Variants in TRABD2B observed in about 807,000 individuals in gnomAD.
TRABD2B encodes the protein TraB domain containing 2B, also known as metalloprotease TIKI2.
Under a neutral mutation model 40.1 loss-of-function variants are expected in TRABD2B, and 14 were observed. That is an observed-to-expected ratio of 0.35 (90% CI 0.23 to 0.55). The LOEUF is 0.55. TRABD2B is among the 20% of genes least tolerant of loss of function. The pLI, the probability that TRABD2B is intolerant of heterozygous loss-of-function variation, is 0.90. For synonymous variants in TRABD2B, 263 were observed against 277.0 expected (o/e 0.95, Z 0.50); for missense variants, 541 against 648.6 (o/e 0.83, Z 1.80).
intron 2 of TRABD2B, among the ~76,000 whole-genome samples, chr1:47,983,759 A>AGG (rs1553172404): frequency 1.7e-5 from 1 of 59,922 alleles, no homozygotes; most frequent in African/African-American, 7.8e-5. Context: ...AAAAAAAGAA[A>AGG]AAAAAAAAAA....
intron 2 of TRABD2B, among the ~76,000 whole-genome samples, chr1:47,823,081 G>T (rs151245930): frequency 3.9e-5 from 6 of 152,258 alleles, no homozygotes; most frequent in Non-Finnish European, 7.3e-5. Flanking sequence ...GAGAGATGGG[G>T]CCGGCCTGGC....
rs1054719592 is a variant in TRABD2B at position 47,764,513 on chromosome 1, C to T, written c.*1389G>A. 1 of 152,366 alleles carries T rather than the reference C, an allele frequency of 6.6e-6. No individual in the cohort carries two copies. Among genetic ancestry groups the T allele is most frequent in the Non-Finnish European group, 1.5e-5 (1 of 68,142 alleles). The allele number at this position is 152,366 out of a possible 1,614,324, so 9.4% of individuals were successfully genotyped here. ...CTCCCCACTTGGCTGCTGTGCCTCC[C>T]CAGGTGCCCCACAGCTGTGCCCACC... On this transcript the variant is annotated 3_prime_UTR_variant, in exon 7 of 7. Transcript: ENST00000606738.
intron 2 of TRABD2B, among the ~76,000 whole-genome samples, chr1:47,864,463 T>C (rs1427129261): frequency 6.6e-6 from 1 of 151,098 alleles, no homozygotes; most frequent in Non-Finnish European, 1.5e-5. Context: ...CTAAAACTGC[T>C]CTAAAAAAAA....
intron 2 of TRABD2B, among the ~76,000 whole-genome samples, chr1:47,968,083 T>C (rs1177918524): frequency 1.3e-5 from 2 of 152,334 alleles, no homozygotes; most frequent in South Asian, 2.1e-4. Context: ...AGCTGACTGA[T>C]TGCCATGGTA....
At chr1:47,807,530 G>C (rs972206872) in intron 2 of TRABD2B, among the ~76,000 whole-genome samples, 23 of 152,156 alleles carry the variant, frequency 1.5e-4, no homozygotes, top group Non-Finnish European at 1.8e-4. Flanking sequence ...AGTAGAAGAA[G>C]GTAGTCAGCA....
At chr1:47,947,696 T>G (rs1255364122) in intron 2 of TRABD2B, among the ~76,000 whole-genome samples, 1 of 149,654 alleles carries the variant, frequency 6.7e-6, no homozygotes, top group Non-Finnish European at 1.5e-5. Flanking sequence ...AAGGAGGTCA[T>G]GCAGCTAGAT....
At chr1:47,926,622 C>A (rs1433425934) in intron 2 of TRABD2B, among the ~76,000 whole-genome samples, 2 of 152,078 alleles carry the variant, frequency 1.3e-5, no homozygotes, top group African/African-American at 4.8e-5. Flanking sequence ...TGGCGGCAGG[C>A]CCTCTTCCTG....
At chr1:47,839,085 G>C (rs1260570011) in intron 2 of TRABD2B, among the ~76,000 whole-genome samples, 1 of 152,214 alleles carries the variant, frequency 6.6e-6, no homozygotes, top group African/African-American at 2.4e-5. Flanking sequence ...TTGTGGGATA[G>C]ATTGGAACGC....
chr1:47,811,719 T>C (rs1181031320), intron 2 of TRABD2B, among the ~76,000 whole-genome samples: 1 of 152,152 alleles, frequency 6.6e-6, no homozygotes, highest in Non-Finnish European at 1.5e-5. Flanking sequence ...CGATTTTAGC[T>C]TTCAGTACAG....
At position 47,813,520 on chromosome 1, in the gene TRABD2B, A is replaced by G. The variant is rs554116183; in HGVS notation, c.667-11901T>C. Among the ~76,000 whole-genome samples, 1 of 152,356 alleles carries G rather than the reference A, an allele frequency of 6.6e-6. No individual in the cohort carries two copies. The highest frequency in any genetic ancestry group is 6.5e-5 in the Admixed American group (1 of 15,302). On this transcript the variant is annotated intron_variant, in intron 2 of 6. Transcript: ENST00000606738. This position sits in a 1 kb window ranked among gnomAD's most constrained non-coding sequence, Gnocchi z 4.3. ...CCCAGTTTTAAACCTAGGACCTGCT[A>G]CATGCAGGCTGTGTGAAGTTCTTAT...
At position 47,994,666 on chromosome 1, in the gene TRABD2B, G is replaced by A. The variant is rs1426839290; in HGVS notation, c.103-69C>T. ...CAGAGTAGAGTCAGGGTAGCCCAGA[G>A]GCACGTTGCAGAGGGAGGTGGGGAT... is the stretch of plus-strand genomic sequence containing the variant. On this transcript the variant is annotated intron_variant, in intron 1 of 6. Coordinates refer to ENST00000606738, the MANE Select transcript of TRABD2B (RefSeq NM_001194986.2). This position sits in a 1 kb window ranked among gnomAD's most constrained non-coding sequence, Gnocchi z 6.7. 6 of 1,407,936 alleles carry A rather than the reference G, an allele frequency of 4.3e-6. No homozygotes were observed. The highest frequency in any genetic ancestry group is 4.3e-5 in the Admixed American group (2 of 46,358). 87.2% of individuals were successfully genotyped at this position (1,407,936 alleles called of 1,614,324 possible). A position where few individuals can be genotyped will look rare whatever the true frequency, so the allele number is the denominator to read the frequency against.
intron 2 of TRABD2B, among the ~76,000 whole-genome samples, chr1:47,818,412 T>A (rs952046825): frequency 6.6e-6 from 1 of 152,144 alleles, no homozygotes; most frequent in Non-Finnish European, 1.5e-5. Context: ...AGGAGTGGGG[T>A]GTTCACAATG....
In TRABD2B at chr1:47,890,732, T is replaced by C. The variant is rs1440775666; in HGVS notation, c.667-89113A>G. 2.6e-5 allele frequency among the ~76,000 whole-genome samples: 4 copies of C among 152,220 alleles called. No individual in the cohort carries two copies. In the East Asian group the frequency reaches 7.7e-4, roughly 29 times the overall value. On this transcript the variant is annotated intron_variant, in intron 2 of 6. Transcript: ENST00000606738. The stretch of plus-strand genomic sequence containing the variant: ...CAAAGTTAGGTGTTTTTTCCTCCAT[T>C]GTCCCTTTAACGTTCATTCAACAAA...
At chr1:47,910,499 T>C (rs1644747996) in intron 2 of TRABD2B, among the ~76,000 whole-genome samples, 1 of 152,092 alleles carries the variant, frequency 6.6e-6, no homozygotes, top group Non-Finnish European at 1.5e-5. Context: ...CCATGGGAAG[T>C]AGTGAGTACC....
intron 4 of TRABD2B, among the ~76,000 whole-genome samples, chr1:47,786,762 G>A (rs1166441100): frequency 6.6e-6 from 1 of 152,136 alleles, no homozygotes; most frequent in Non-Finnish European, 1.5e-5. Flanking sequence ...AGGCTGGAGT[G>A]CAGCCTTGGC....
chr1:47,805,719 T>C (rs994996259), intron 2 of TRABD2B, among the ~76,000 whole-genome samples: 1 of 152,228 alleles, frequency 6.6e-6, no homozygotes, highest in East Asian at 1.9e-4. Context: ...ACGATGTTTA[T>C]TGAGCACTTA....
Position 47,822,105 on chromosome 1 carries a change from C to T in TRABD2B, c.667-20486G>A, listed in dbSNP as rs559495335. On this transcript the variant is annotated intron_variant, in intron 2 of 6. Transcript: ENST00000606738. Reference sequence around the variant, plus strand: ...CACAAAGGTACGTTTCATGTACAGACACAAATAGATGCACACAGACCTCTA... The same window carrying T: ...CACAAAGGTACGTTTCATGTACAGATACAAATAGATGCACACAGACCTCTA... Among the ~76,000 whole-genome samples the T allele has an allele frequency of 2.0e-5, 3 of 151,910 alleles. No homozygotes were observed. In the South Asian group the frequency reaches 6.2e-4, roughly 32 times the overall value.
chr1:47,920,291 C>G (rs1216464933), intron 2 of TRABD2B, among the ~76,000 whole-genome samples: 1 of 152,108 alleles, frequency 6.6e-6, no homozygotes, highest in African/African-American at 2.4e-5. Flanking sequence ...GCAAGTCAAC[C>G]CTAGATTTCT....
chr1:47,980,891 C>A (rs1645831335), intron 2 of TRABD2B, among the ~76,000 whole-genome samples: 1 of 152,236 alleles, frequency 6.6e-6, no homozygotes, highest in Admixed American at 6.5e-5. Context: ...CTCTCAGCTC[C>A]TTGTCCCTGT....
Sources: allele counts gnomAD v4.1 joint callset (sites outside exome capture counted in the v4.1 genomes callset), GRCh38; gene constraint gnomAD v4.1.1; non-coding constraint Gnocchi (gnomAD v3.1); transcripts MANE v1.5; gene names NCBI Gene and HGNC (gene_info 2026-07-23, HGNC 2026-07-21).